Variants in ZNF616 observed in about 807,000 individuals in gnomAD.
The protein encoded by ZNF616 is zinc finger protein 616.
ZNF616 carries 5 observed loss-of-function variants against 7.6 expected under a neutral mutation model. The observed-to-expected ratio is 0.66, with a 90% CI of 0.34 to 1.38. ZNF616 has a LOEUF of 1.38. ZNF616 is among the 40% of genes most tolerant of loss of function. The pLI is 0.04. For synonymous variants in ZNF616, 319 were observed against 317.2 expected (o/e 1.01, Z -0.06); for missense variants, 913 against 948.3 (o/e 0.96, Z 0.49).
chr19:52,115,697 T>A lies in ZNF616; in HGVS notation c.1467A>T (p.Gly489=). Residue 489 remains glycine, a synonymous_variant, in exon 4 of 4, where the codon GGA becomes GGT. Coordinates refer to ENST00000600228, the MANE Select transcript of ZNF616 (RefSeq NM_178523.5). The part of the protein sequence containing the change: ...RLAAHQRIHT[G]EKPYKCNECG... ...ATTCATTGCATTTGTAAGGTTTCTC[T>A]CCAGTATGAATTCTCTGATGAGCTG... 6.2e-7 allele frequency: 1 copy of A among 1,614,130 alleles called. No homozygotes were observed. The highest frequency in any genetic ancestry group is 1.3e-5 in the African/African-American group (1 of 75,042).
In ZNF616 at chr19:52,137,843, T is replaced by C. The variant is rs1032472578; in HGVS notation, c.-77+1889A>G. Among the ~76,000 whole-genome samples the C allele has an allele frequency of 2.0e-5, 3 of 152,210 alleles. No individual in the cohort carries two copies. The East Asian group carries it at 5.8e-4, about 29-fold the overall frequency. On this transcript the variant is annotated intron_variant, in intron 1 of 3. Coordinates refer to ENST00000600228, the MANE Select transcript of ZNF616 (RefSeq NM_178523.5). ...GATTACAGGATGACATCAAATCTTATTTCAGAAGTTAGTAATTATAGAAGA... is the reference window on the plus strand; with the variant it reads ...GATTACAGGATGACATCAAATCTTACTTCAGAAGTTAGTAATTATAGAAGA...
intron 1 of ZNF616, among the ~76,000 whole-genome samples, chr19:52,132,612 TC>T (rs74313326): frequency 0.089 from 13,595 of 151,970 alleles, 870 homozygotes; most frequent in South Asian, 0.29. Flanking sequence ...GTGTAGCGCC[TC>T]CCCCCTCACT....
chr19:52,118,246 G>C lies in ZNF616; in HGVS notation c.140-1222C>G, dbSNP rs114593785. On this transcript the variant is annotated intron_variant, in intron 3 of 3. Coordinates refer to ENST00000600228, the MANE Select transcript of ZNF616 (RefSeq NM_178523.5). ...ATACAGGCATGAGTCACCACACCTG[G>C]TCCTATTCATTGCCTCTAATTACCT... is the stretch of plus-strand genomic sequence containing the variant. Among the ~76,000 whole-genome samples the C allele has an allele frequency of 7.2e-3, 1,095 of 152,142 alleles. 10 individuals are homozygous for C. The highest frequency in any genetic ancestry group is 0.025 in the African/African-American group (1,051 of 41,514).
intron 2 of ZNF616, among the ~76,000 whole-genome samples, chr19:52,127,275 G>A (rs993928004): frequency 6.6e-6 from 1 of 152,138 alleles, no homozygotes; most frequent in Admixed American, 6.5e-5. Context: ...GGCTGGTCTT[G>A]AACTCCTGAC....
chr19:52,129,047 C>T (rs1271871043), intron 2 of ZNF616, among the ~76,000 whole-genome samples: 3 of 151,352 alleles, frequency 2.0e-5, no homozygotes, highest in Admixed American at 1.3e-4. Context: ...CTGAGGCAGG[C>T]GGATCATCTG....
intron 3 of ZNF616, 111 bp from the exon 4 acceptor site, chr19:52,117,135 G>T: frequency 1.1e-6 from 1 of 876,782 alleles, no homozygotes. Context: ...CTAGACAGGT[G>T]TGAGAGTTCT....
intron 2 of ZNF616, among the ~76,000 whole-genome samples, chr19:52,125,509 A>C (rs1449638654): frequency 6.6e-6 from 1 of 152,210 alleles, no homozygotes; most frequent in Admixed American, 6.5e-5. Context: ...TCTATGTCCC[A>C]CCTTCTAGAC....
At chr19:52,135,241 G>T (rs182337369) in intron 1 of ZNF616, among the ~76,000 whole-genome samples, 282 of 152,022 alleles carry the variant, frequency 1.9e-3, no homozygotes, top group Non-Finnish European at 3.4e-3. Flanking sequence ...AATCCCACAT[G>T]CCCCAACAAC....
chr19:52,132,015 C>T (rs1463137413), intron 1 of ZNF616, among the ~76,000 whole-genome samples: 4 of 152,074 alleles, frequency 2.6e-5, no homozygotes, highest in Non-Finnish European at 5.9e-5. Flanking sequence ...AGAGAGGTCC[C>T]GAGGCAGCAG....
intron 1 of ZNF616, among the ~76,000 whole-genome samples, chr19:52,135,430 C>T (rs1228551285): frequency 6.6e-6 from 1 of 152,176 alleles, no homozygotes; most frequent in African/African-American, 2.4e-5. Context: ...GGAAACTCTC[C>T]ATATTGACAT....
intron 1 of ZNF616, among the ~76,000 whole-genome samples, chr19:52,134,574 G>A (rs1400971303): frequency 1.3e-5 from 2 of 152,140 alleles, no homozygotes; most frequent in Non-Finnish European, 2.9e-5. Flanking sequence ...CAACCTGTGG[G>A]AGATGACTCT....
At chr19:52,130,689 G>A (rs1015723946) in intron 1 of ZNF616, 101 bp from the exon 2 acceptor site, 7 of 771,648 alleles carry the variant, frequency 9.1e-6, no homozygotes, top group Non-Finnish European at 1.5e-5. Context: ...TGGAGAGACA[G>A]CCCACTGCAC....
rs1321561543 is a variant in ZNF616, at chr19:52,115,186, G to A, written c.1978C>T (p.Pro660Ser). The part of the protein sequence containing the change: ...LHQTVHTGDR[P>S]YKCNECGKTF... ...TTGCCACACTCATTACATTTGTAAG[G>A]TCTGTCTCCAGTATGAACAGTCTGA... is the stretch of plus-strand genomic sequence containing the variant. Residue 660 changes from proline to serine, a missense_variant, in exon 4 of 4, where the codon CCT (proline) becomes TCT (serine). Physicochemically the swap from Pro to Ser is moderately conservative, Grantham distance 74. Coordinates refer to ENST00000600228, the MANE Select transcript of ZNF616 (RefSeq NM_178523.5). 1.2e-6 allele frequency: 2 copies of A among 1,614,126 alleles called. No individual in the cohort carries two copies. The highest frequency in any genetic ancestry group is 2.2e-5 in the East Asian group (1 of 44,878).
At chr19:52,125,973 T>C (rs2122157955) in intron 2 of ZNF616, among the ~76,000 whole-genome samples, 1 of 152,084 alleles carries the variant, frequency 6.6e-6, no homozygotes, top group South Asian at 2.1e-4. Flanking sequence ...ACCTCTTCAA[T>C]AGGGAGATGA....
At chr19:52,136,288 C>T (rs1203284872) in intron 1 of ZNF616, among the ~76,000 whole-genome samples, 1 of 152,002 alleles carries the variant, frequency 6.6e-6, no homozygotes, top group Non-Finnish European at 1.5e-5. Flanking sequence ...CAAGACCAGC[C>T]TGACCAACAT....
Position 52,123,960 on chromosome 19 carries a change from A to G in ZNF616, c.102T>C (p.Asp34=), listed in dbSNP as rs1169502379. The G allele has an allele frequency of 6.2e-7, 1 of 1,614,008 alleles. No homozygotes were observed. The highest frequency in any genetic ancestry group is 8.5e-7 in the Non-Finnish European group (1 of 1,180,008). ...GGTTCCTATAGTTCTCCAACATCAC[A>G]TCCTTGTACAAAGCTTTCTGCACAG... The part of the protein sequence containing the change: ...LEPVQKALYK[D]VMLENYRNLV... Residue 34 remains aspartate, a synonymous_variant, in exon 3 of 4, where the codon GAT becomes GAC. Coordinates refer to ENST00000600228, the MANE Select transcript of ZNF616 (RefSeq NM_178523.5).
At chr19:52,117,189 T>G (rs2088833580) in intron 3 of ZNF616, among the ~76,000 whole-genome samples, 165 bp from the exon 4 acceptor site, 1 of 152,164 alleles carries the variant, frequency 6.6e-6, no homozygotes, top group Non-Finnish European at 1.5e-5. Context: ...TGAATAGAAG[T>G]CTATAGTAAA....
intron 2 of ZNF616, among the ~76,000 whole-genome samples, chr19:52,126,250 G>A (rs961666797): frequency 2.6e-5 from 4 of 152,170 alleles, no homozygotes; most frequent in African/African-American, 7.2e-5. Flanking sequence ...AATGTGGGCC[G>A]GGCATGATTG....
In ZNF616 at chr19:52,137,051, GTGTATA is replaced by G. The variant is rs1360507488; in HGVS notation, c.-77+2675_-77+2680del. On this transcript the variant is annotated intron_variant, in intron 1 of 3. Coordinates refer to ENST00000600228, the MANE Select transcript of ZNF616 (RefSeq NM_178523.5). ...TGTGTGTGTATATATATTTATGTAT[GTGTATA>G]TATATATATATATATATACAGAGTG... is the stretch of plus-strand genomic sequence containing the variant. Among the ~76,000 whole-genome samples the G allele has an allele frequency of 3.4e-4, 22 of 64,756 alleles. 1 individual carries two copies. In the Admixed American group the frequency reaches 4.1e-3, roughly 12 times the overall value. 42.5% of individuals were successfully genotyped at this position (64,756 alleles called of 152,430 possible).
Sources: allele counts gnomAD v4.1 joint callset (sites outside exome capture counted in the v4.1 genomes callset), GRCh38; gene constraint gnomAD v4.1.1; transcripts MANE v1.5; gene names NCBI Gene and HGNC (gene_info 2026-07-23, HGNC 2026-07-21).